The following MAP1A variants were observed in gnomAD, a reference collection of about 807,000 sequenced individuals.
MAP1A encodes the protein microtubule-associated protein 1A.
Under a neutral mutation model 185.9 loss-of-function variants are expected in MAP1A, and 42 were observed. The observed-to-expected ratio is 0.23, with a 90% CI of 0.18 to 0.29. MAP1A has a LOEUF of 0.29. Among genes scored for constraint, MAP1A ranks in the 10% least tolerant of loss-of-function variants. MAP1A has a pLI of 1.00. For synonymous variants in MAP1A, 1,229 were observed against 1,335.9 expected, an observed-to-expected ratio of 0.92 and a Z score of 1.74; for missense variants, 2,995 against 3,450.4, an observed-to-expected ratio of 0.87 and a Z score of 3.31.
rs770778459 is a variant in MAP1A, at chr15:43,522,956, GAGA to G, written c.1486_1488del (p.Lys496del). 2 of 1,614,172 alleles carry G rather than the reference GAGA, an allele frequency of 1.2e-6. No homozygotes were observed. Among genetic ancestry groups the G allele is most frequent in the Non-Finnish European group, 1.7e-6 (2 of 1,180,022 alleles). On this transcript the variant is annotated inframe_deletion, in exon 4 of 6. Coordinates refer to ENST00000300231, the MANE Select transcript of MAP1A (RefSeq NM_002373.6). This position sits in a 1 kb window ranked among gnomAD's most constrained non-coding sequence, Gnocchi z 5.9. ...AGACAGGAGCCGTGCTATCCGTGGGGAGAAGGAGCTGTCTTCTGAGCCCCAGAC... is the reference window on the plus strand; with the variant it reads ...AGACAGGAGCCGTGCTATCCGTGGGGAGGAGCTGTCTTCTGAGCCCCAGAC...
At position 43,525,702 on chromosome 15, in the gene MAP1A, A is replaced by C; in HGVS notation, c.4229A>C (p.Gln1410Pro). Residue 1410 changes from glutamine (Q) to proline (P), a missense_variant, in exon 4 of 6, where the codon CAA becomes CCA. Physicochemically the swap from Gln to Pro is moderately conservative, Grantham distance 76. Transcript: ENST00000300231. Reference protein sequence around the residue: ...AVKQQDKALEQKGRDLEQKDT... With the variant: ...AVKQQDKALEPKGRDLEQKDT... ...AAACAGCAGGATAAGGCTTTAGAAC[A>C]AAAGGGCAGAGACTTAGAGCAAAAA... is the stretch of plus-strand genomic sequence containing the variant. 1.9e-6 allele frequency: 3 copies of C among 1,614,188 alleles called. No individual in the cohort carries two copies. Among genetic ancestry groups the C allele is most frequent in the Non-Finnish European group, 2.5e-6 (3 of 1,180,026 alleles).
chr15:43,517,718 G>A lies in MAP1A; in HGVS notation c.-375+18G>A, dbSNP rs2079303373. 1 of 946,974 alleles carries A rather than the reference G, an allele frequency of 1.1e-6. No individual in the cohort carries two copies. Among genetic ancestry groups the A allele is most frequent in the Non-Finnish European group, 1.3e-6 (1 of 794,926 alleles). 58.7% of individuals were successfully genotyped at this position (946,974 alleles called of 1,614,324 possible). On this transcript the variant is annotated intron_variant, in intron 1 of 5. Transcript: ENST00000300231. The stretch of plus-strand genomic sequence containing the variant: ...ACCCCAGGGTAAGAACCGAACCAAA[G>A]GGCTTGGCATGTGGGGGTACACTGT...
chr15:43,525,055 C>T lies in MAP1A; in HGVS notation c.3582C>T (p.Thr1194=), dbSNP rs1455863101. The change falls in exon 4 of 6, where the codon ACC becomes ACT. Residue 1194 remains threonine, a synonymous_variant. Transcript: ENST00000300231. ...DRWPEVSPED[T]QSLSLSEESP... is the part of the protein sequence containing the mutation. ...GGCCAGAGGTATCTCCAGAAGACAC[C>T]CAGTCACTTTCTCTGTCAGAAGAGA... 2 of 1,614,166 alleles carry T rather than the reference C, an allele frequency of 1.2e-6. No individual in the cohort carries two copies. Among genetic ancestry groups the T allele is most frequent in the Admixed American group, 3.3e-5 (2 of 60,022 alleles).
upstream of MAP1A, among the ~76,000 whole-genome samples, chr15:43,513,450 A>T (rs2079288967): frequency 6.6e-6 from 1 of 152,228 alleles, no homozygotes; most frequent in South Asian, 2.1e-4. Flanking sequence ...ACTGCAACTG[A>T]ATGATTGAAT....
At position 43,524,859 on chromosome 15, in the gene MAP1A, C is replaced by G. The variant is rs774994910; in HGVS notation, c.3386C>G (p.Pro1129Arg). ...GGTTTGAGGACTTTACCCCAAGAACCTGGCAAACCTCAGAAAGATGAGGTG... is the reference window on the plus strand; with the variant it reads ...GGTTTGAGGACTTTACCCCAAGAACGTGGCAAACCTCAGAAAGATGAGGTG... ...PGGLRTLPQE[P>R]GKPQKDEVLR... The change falls in exon 4 of 6, where the codon CCT (proline) becomes CGT (arginine). Residue 1129 changes from proline (P) to arginine (R), a missense_variant. Transcript: ENST00000300231. 6.2e-7 allele frequency: 1 copy of G among 1,614,180 alleles called. No homozygotes were observed. Among genetic ancestry groups the G allele is most frequent in the Non-Finnish European group, 8.5e-7 (1 of 1,180,052 alleles).
Position 43,527,094 on chromosome 15 carries a change from C to A in MAP1A, c.5621C>A (p.Ala1874Glu). 2 of 1,594,766 alleles carry A rather than the reference C, an allele frequency of 1.3e-6. No homozygotes were observed. Among genetic ancestry groups the A allele is most frequent in the Non-Finnish European group, 8.5e-7 (1 of 1,170,074 alleles). ...CCTGCCCCGGAATCCCATACTCCTG[C>A]ACCCTTCTCTTGGGGCACAGCCGAG... ...PTPAPESHTP[A>E]PFSWGTAEYD... Residue 1874 changes from alanine to glutamate, a missense_variant, in exon 4 of 6, where the codon GCA (alanine) becomes GAA (glutamate). This residue lies in a region of MAP1A where 2,728 missense variants were observed against 2,986.0 expected (regional missense o/e 0.91). Coordinates refer to ENST00000300231, the MANE Select transcript of MAP1A (RefSeq NM_002373.6).
Position 43,525,822 on chromosome 15 carries a change from C to T in MAP1A, c.4349C>T (p.Pro1450Leu), listed in dbSNP as rs1227531870. 6.3e-7 allele frequency: 1 copy of T among 1,580,606 alleles called. No individual in the cohort carries two copies. Among genetic ancestry groups the T allele is most frequent in the Non-Finnish European group, 8.6e-7 (1 of 1,166,028 alleles). The part of the protein sequence containing the change: ...DKALEQKDKI[P>L]EEKDKALEQK... ...GCCCTGGAACAGAAGGATAAGATTC[C>T]AGAAGAGAAAGACAAAGCCTTAGAA... Residue 1450 changes from proline to leucine, a missense_variant, in exon 4 of 6, where the codon CCA becomes CTA. Physicochemically the swap from Pro to Leu is moderately conservative, Grantham distance 98. This residue lies in a region of MAP1A where 2,728 missense variants were observed against 2,986.0 expected (regional missense o/e 0.91). Transcript: ENST00000300231.
In MAP1A at chr15:43,527,123, G is replaced by A. The variant is rs1055920308; in HGVS notation, c.5650G>A (p.Asp1884Asn). The A allele has an allele frequency of 1.9e-6, 3 of 1,608,254 alleles. No homozygotes were observed. In the African/African-American group the frequency reaches 4.0e-5, roughly 21 times the overall value. The change falls in exon 4 of 6, where the codon GAC becomes AAC. Residue 1884 changes from aspartate (D) to asparagine (N), a missense_variant. Around this residue, in one of 3 missense-constraint regions of MAP1A, gnomAD observed 2,728 missense variants for 2,986.0 expected, o/e 0.91. Transcript: ENST00000300231. ...CTTCTCTTGGGGCACAGCCGAGTATGACAGTGTGGTGGCTGCAGTGCAGGA... is the reference window on the plus strand; with the variant it reads ...CTTCTCTTGGGGCACAGCCGAGTATAACAGTGTGGTGGCTGCAGTGCAGGA... ...APFSWGTAEYDSVVAAVQEGA... is the reference protein window; with the variant it reads ...APFSWGTAEYNSVVAAVQEGA...
upstream of MAP1A, among the ~76,000 whole-genome samples, chr15:43,516,193 G>A (rs776532353): frequency 3.3e-5 from 5 of 152,146 alleles, no homozygotes; most frequent in Admixed American, 1.3e-4. Flanking sequence ...TTTTCCCTGT[G>A]TATCTCTGCA....
intron 1 of MAP1A, 95 bp from the exon 2 acceptor site, chr15:43,520,546 G>C (rs932704686): frequency 7.1e-6 from 6 of 842,650 alleles, no homozygotes; most frequent in Non-Finnish European, 7.8e-6. Flanking sequence ...CTTCTCTTTC[G>C]TCTAAGCCCC....
chr15:43,518,708 A>ACCCCCCC (rs34711237), intron 1 of MAP1A, among the ~76,000 whole-genome samples: 14 of 83,630 alleles, frequency 1.7e-4, no homozygotes, highest in African/African-American at 4.1e-4. Context: ...ACCGCAGCCC[A>ACCCCCCC]CCCCCCCCCG....
chr15:43,522,988 C>G lies in MAP1A; in HGVS notation c.1515C>G (p.Pro505=). Residue 505 remains proline (P), a synonymous_variant, in exon 4 of 6, where the codon CCC becomes CCG. Transcript: ENST00000300231. This position sits in a 1 kb window ranked among gnomAD's most constrained non-coding sequence, Gnocchi z 5.9. ...EKELSSEPQT[P]PAQKGTVPLP... ...AGCTGTCTTCTGAGCCCCAGACACCCCCAGCCCAGAAGGGAACTGTACCAC... is the reference window on the plus strand; with the variant it reads ...AGCTGTCTTCTGAGCCCCAGACACCGCCAGCCCAGAAGGGAACTGTACCAC... 6.2e-7 allele frequency: 1 copy of G among 1,614,168 alleles called. No homozygotes were observed. The highest frequency in any genetic ancestry group is 8.5e-7 in the Non-Finnish European group (1 of 1,180,036).
At chr15:43,511,788 G>A (rs1363195938) in intron 1 of MAP1A, among the ~76,000 whole-genome samples, 1 of 152,208 alleles carries the variant, frequency 6.6e-6, no homozygotes, top group Admixed American at 6.5e-5. Flanking sequence ...GGAGGGCTGG[G>A]GACAAGGAAG....
rs1285209144 is a variant in MAP1A, at chr15:43,523,262, C to A, written c.1789C>A (p.Pro597Thr). 1.2e-6 allele frequency: 2 copies of A among 1,613,772 alleles called. No homozygotes were observed. The highest frequency in any genetic ancestry group is 1.7e-6 in the Non-Finnish European group (2 of 1,179,848). ...EHVMKEKELV[P>T]EVPEEQGSKD... is the part of the protein sequence containing the mutation. ...TGTGATGAAGGAGAAAGAGCTTGTCCCAGAGGTCCCTGAGGAACAAGGCAG... is the reference window on the plus strand; with the variant it reads ...TGTGATGAAGGAGAAAGAGCTTGTCACAGAGGTCCCTGAGGAACAAGGCAG... The change falls in exon 4 of 6, where the codon CCA (proline) becomes ACA (threonine). Residue 597 changes from proline (P) to threonine (T), a missense_variant. Pro to Thr is a conservative substitution (Grantham distance 38). Around this residue, in one of 3 missense-constraint regions of MAP1A, gnomAD observed 2,728 missense variants for 2,986.0 expected, o/e 0.91. Coordinates refer to ENST00000300231, the MANE Select transcript of MAP1A (RefSeq NM_002373.6).
chr15:43,524,116 AGCTAC>A lies in MAP1A; in HGVS notation c.2646_2650del (p.Thr883GlyfsTer29), dbSNP rs1566977767. On this transcript the variant is annotated frameshift_variant, in exon 4 of 6. Coordinates refer to ENST00000300231, the MANE Select transcript of MAP1A (RefSeq NM_002373.6). LOFTEE classifies it high-confidence loss of function. ...CAAGCATCCCTTCCTCCCGTACTGA[AGCTAC>A]GCAGGGCTTGGACTATGTGCCATCA... 6.2e-7 allele frequency: 1 copy of A among 1,614,130 alleles called. No homozygotes were observed. Among genetic ancestry groups the A allele is most frequent in the Admixed American group, 1.7e-5 (1 of 60,028 alleles).
chr15:43,511,292 A>G (rs1370077695), intron 1 of MAP1A: 6 of 1,247,668 alleles, frequency 4.8e-6, no homozygotes, highest in African/African-American at 1.5e-5. Flanking sequence ...TCTGCATTCA[A>G]CTACCAATGC....
At chr15:43,519,111 C>G (rs1190041920) in intron 1 of MAP1A, among the ~76,000 whole-genome samples, 1 of 152,190 alleles carries the variant, frequency 6.6e-6, no homozygotes, top group Admixed American at 6.5e-5. Context: ...GAGCTCTTGT[C>G]TTTCTAAATC....
Position 43,524,512 on chromosome 15 carries a change from C to A in MAP1A, c.3039C>A (p.Ser1013=). 3 of 1,614,142 alleles carry A rather than the reference C, an allele frequency of 1.9e-6. No individual in the cohort carries two copies. Among genetic ancestry groups the A allele is most frequent in the Non-Finnish European group, 2.5e-6 (3 of 1,180,026 alleles). The change falls in exon 4 of 6, where the codon TCC becomes TCA. Residue 1013 remains serine (S), a synonymous_variant. Transcript: ENST00000300231. The part of the protein sequence containing the change: ...PSATHTPFHQ[S]PVEEKSEPQD... ...CCACCCACACACCCTTTCATCAGTCCCCAGTGGAAGAAAAGTCTGAGCCCC... is the reference window on the plus strand; with the variant it reads ...CCACCCACACACCCTTTCATCAGTCACCAGTGGAAGAAAAGTCTGAGCCCC...
chr15:43,512,373 G>C (rs377414274), intron 2 of MAP1A: 1 of 1,033,440 alleles, frequency 9.7e-7, no homozygotes, highest in Admixed American at 2.0e-5. Flanking sequence ...GTGGCCTTGC[G>C]GGAGGTTTGA....
Sources: allele counts gnomAD v4.1 joint callset (sites outside exome capture counted in the v4.1 genomes callset), GRCh38; gene constraint gnomAD v4.1.1; regional missense constraint gnomAD v4.1.1; non-coding constraint Gnocchi (gnomAD v3.1); transcripts MANE v1.5; gene names NCBI Gene and HGNC (gene_info 2026-07-23, HGNC 2026-07-21).